The following YEATS2 variants were observed in gnomAD, a reference collection of about 807,000 sequenced individuals.
YEATS2 encodes YEATS domain-containing protein 2.
A neutral mutation model predicts 163.2 loss-of-function variants in YEATS2; 77 were observed. The observed-to-expected ratio is 0.47, with a 90% CI of 0.39 to 0.57. The LOEUF (loss-of-function observed/expected upper bound fraction) is 0.57, where lower values mean the gene tolerates loss of function less well. YEATS2 is among the 20% of genes least tolerant of loss of function. YEATS2 has a pLI of 0.00. For missense variants in YEATS2, 1,549 were observed against 1,729.8 expected (o/e 0.90, Z 1.85); for synonymous variants, 631 against 645.1 (o/e 0.98, Z 0.33).
chr3:183,801,697 CAGTT>C, intron 25 of YEATS2, 169 bp downstream of exon 25: 2 of 507,718 alleles, frequency 3.9e-6, no homozygotes, highest in Non-Finnish European at 7.0e-6. Context: ...AATTCACATC[CAGTT>C]AGTTTTTTAT....
At chr3:183,738,179 C>T (rs1577084752) in intron 8 of YEATS2, among the ~76,000 whole-genome samples, 4 of 152,010 alleles carry the variant, frequency 2.6e-5, no homozygotes, top group Non-Finnish European at 2.9e-5. Context: ...GCCTTCCTAT[C>T]CTCTGAGAAC....
Position 183,773,721 on chromosome 3 carries a change from C to T in YEATS2, c.2295C>T (p.Ser765=), listed in dbSNP as rs563045620. Residue 765 remains serine, a synonymous_variant, in exon 17 of 31, where the codon AGC becomes AGT. Coordinates refer to ENST00000305135, the MANE Select transcript of YEATS2 (RefSeq NM_018023.5). ...PGTKLYLTTN[S]KNPSGKGKLL... ...CTAAACTCTACCTAACTACAAACAG[C>T]AAGAACCCTTCAGGAAAAGGAAAAC... 6.2e-7 allele frequency: 1 copy of T among 1,613,686 alleles called. No homozygotes were observed. Among genetic ancestry groups the T allele is most frequent in the South Asian group, 1.1e-5 (1 of 90,950 alleles).
chr3:183,706,202 A>G (rs1343962716), intron 1 of YEATS2, among the ~76,000 whole-genome samples: 1 of 152,086 alleles, frequency 6.6e-6, no homozygotes, highest in African/African-American at 2.4e-5. Context: ...AGCTAACCTA[A>G]GAAAAGAGCA....
intron 11 of YEATS2, among the ~76,000 whole-genome samples, chr3:183,755,967 A>T (rs1279124442): frequency 8.6e-5 from 13 of 151,916 alleles, no homozygotes; most frequent in Non-Finnish European, 1.2e-4. Flanking sequence ...GCTGGTCTCG[A>T]ACTCACAACC....
chr3:183,716,230 A>T (rs1380360172), intron 2 of YEATS2, among the ~76,000 whole-genome samples: 2 of 152,174 alleles, frequency 1.3e-5, no homozygotes, highest in African/African-American at 2.4e-5. Flanking sequence ...AAGTGCTGGG[A>T]TTACAGACGT....
intron 21 of YEATS2, chr3:183,793,609 C>CT (rs35098553): frequency 0.29 from 32,120 of 109,492 alleles, 5,267 homozygotes; most frequent in East Asian, 0.55. Flanking sequence ...TTCTTTCTTT[C>CT]TTTTTTTTTT....
chr3:183,719,120 C>T (rs763545976), intron 4 of YEATS2, among the ~76,000 whole-genome samples: 2 of 151,928 alleles, frequency 1.3e-5, no homozygotes, highest in African/African-American at 4.8e-5. Flanking sequence ...TGTGACTTTC[C>T]GCATTGTCAA....
Position 183,811,414 on chromosome 3 carries a change from T to G in YEATS2, c.*831T>G, listed in dbSNP as rs1726789243. 6.5e-6 allele frequency: 1 copy of G among 152,820 alleles called. No individual in the cohort carries two copies. Among genetic ancestry groups the G allele is most frequent in the Non-Finnish European group, 1.5e-5 (1 of 68,196 alleles). 9.5% of individuals were successfully genotyped at this position (152,820 alleles called of 1,614,324 possible). On this transcript the variant is annotated 3_prime_UTR_variant, in exon 31 of 31. Coordinates refer to ENST00000305135, the MANE Select transcript of YEATS2 (RefSeq NM_018023.5). ...CATGGCCTGCAGGAGCTTCTGCTGC[T>G]GACCCCATGCTGAGTGGCCAGTGGG...
intron 15 of YEATS2, among the ~76,000 whole-genome samples, chr3:183,767,456 C>G (rs1178399861): frequency 6.6e-6 from 1 of 151,864 alleles, no homozygotes; most frequent in East Asian, 1.9e-4. Flanking sequence ...TCTCGGCTCA[C>G]TACAACCTCC....
At chr3:183,800,238 C>T (rs1445082026) in intron 23 of YEATS2, among the ~76,000 whole-genome samples, 5 of 152,146 alleles carry the variant, frequency 3.3e-5, no homozygotes, top group Admixed American at 6.5e-5. Flanking sequence ...TTATTGCAGC[C>T]GCCCTGTCAT....
rs544187634 is a variant in YEATS2, at chr3:183,729,909, C to T, written c.812+1058C>T. Among the ~76,000 whole-genome samples, 34 of 150,038 alleles carry T rather than the reference C, an allele frequency of 2.3e-4. 1 individual carries two copies. The South Asian group carries it at 4.9e-3, about 22-fold the overall frequency. On this transcript the variant is annotated intron_variant, in intron 7 of 30. Coordinates refer to ENST00000305135, the MANE Select transcript of YEATS2 (RefSeq NM_018023.5). ...TTCACCATGTTGGCCAGGCTGGTCT[C>T]GAACTCCTGACCTCAGGTGATCTGC...
intron 18 of YEATS2, 88 bp downstream of exon 18, chr3:183,776,211 G>A (rs957626632): frequency 1.5e-6 from 2 of 1,325,306 alleles, no homozygotes; most frequent in East Asian, 2.5e-5. Flanking sequence ...ACGGCTCTGG[G>A]ATCAGGGTTC....
At chr3:183,704,112 C>T (rs558371271) in intron 1 of YEATS2, among the ~76,000 whole-genome samples, 1 of 150,792 alleles carries the variant, frequency 6.6e-6, no homozygotes, top group Non-Finnish European at 1.5e-5. Context: ...TATTGCGCCA[C>T]TGCAATCCAG....
Position 183,807,006 on chromosome 3 carries a change from A to G in YEATS2, c.3925A>G (p.Lys1309Glu), listed in dbSNP as rs1726279958. Residue 1309 changes from lysine (K) to glutamate (E), a missense_variant, in exon 28 of 31, where the codon AAG becomes GAG. Transcript: ENST00000305135. The stretch of plus-strand genomic sequence containing the variant: ...CGAGCCAGTGAAGATAAACATCAAG[A>G]AGGAGCAGGAAGAGAAACAAGAGGA... ...LSEPVKINIKKEQEEKQEEVK... is the reference protein window; with the variant it reads ...LSEPVKINIKEEQEEKQEEVK... The G allele has an allele frequency of 6.2e-7, 1 of 1,614,066 alleles. No individual in the cohort carries two copies. The highest frequency in any genetic ancestry group is 1.7e-5 in the Admixed American group (1 of 60,000).
At chr3:183,776,778 C>G (rs966778292) in intron 18 of YEATS2, among the ~76,000 whole-genome samples, 33 of 151,900 alleles carry the variant, frequency 2.2e-4, no homozygotes, top group Admixed American at 1.2e-3. Flanking sequence ...ATGGTGAAAC[C>G]CTGTCTCTAT....
At chr3:183,703,972 C>T (rs1208250958) in intron 1 of YEATS2, among the ~76,000 whole-genome samples, 1 of 151,510 alleles carries the variant, frequency 6.6e-6, no homozygotes, top group African/African-American at 2.4e-5. Context: ...CCTCCCTCTA[C>T]TAAAAAAATA....
At chr3:183,727,883 C>T (rs1476018581) in intron 6 of YEATS2, among the ~76,000 whole-genome samples, 2 of 151,758 alleles carry the variant, frequency 1.3e-5, no homozygotes, top group African/African-American at 4.8e-5. Context: ...GCTTCCCTAA[C>T]CTAGGAATAA....
At chr3:183,707,495 G>C (rs1714729426) in intron 1 of YEATS2, among the ~76,000 whole-genome samples, 1 of 152,096 alleles carries the variant, frequency 6.6e-6, no homozygotes, top group African/African-American at 2.4e-5. Flanking sequence ...ATGGATTGTA[G>C]AGTCTTATTC....
At chr3:183,778,960 A>G (rs948454171) in intron 19 of YEATS2, among the ~76,000 whole-genome samples, 14 of 151,594 alleles carry the variant, frequency 9.2e-5, no homozygotes, top group Non-Finnish European at 1.3e-4. Context: ...TTCTTTTTAT[A>G]TATATTTTTT....
Sources: allele counts gnomAD v4.1 joint callset (sites outside exome capture counted in the v4.1 genomes callset), GRCh38; gene constraint gnomAD v4.1.1; transcripts MANE v1.5; gene names NCBI Gene and HGNC (gene_info 2026-07-23, HGNC 2026-07-21).